The following ASTN1 variants were observed in gnomAD, a reference collection of about 807,000 sequenced individuals.
ASTN1 encodes astrotactin-1.
In ASTN1, 41 loss-of-function variants were observed where a neutral mutation model predicts 140.7. The observed-to-expected ratio is 0.29, with a 90% CI of 0.23 to 0.38. The LOEUF (loss-of-function observed/expected upper bound fraction) is 0.38. Ranked by LOEUF, ASTN1 falls within the 10% of genes least tolerant of loss-of-function variation. The pLI, the probability that ASTN1 is intolerant of heterozygous loss-of-function variation, is 1.00. For synonymous variants in ASTN1, 640 were observed against 652.2 expected (o/e 0.98, Z 0.29); for missense variants, 1,479 against 1,678.8 (o/e 0.88, Z 2.08).
At chr1:177,006,546 T>C (rs1471202760) in intron 8 of ASTN1, among the ~76,000 whole-genome samples, 1 of 152,134 alleles carries the variant, frequency 6.6e-6, no homozygotes, top group African/African-American at 2.4e-5. Flanking sequence ...CAGTAGAATA[T>C]ACAAATGCAG....
At chr1:176,982,264 A>G (rs1203109677) in intron 8 of ASTN1, among the ~76,000 whole-genome samples, 1 of 152,182 alleles carries the variant, frequency 6.6e-6, no homozygotes, top group Non-Finnish European at 1.5e-5. Flanking sequence ...TTCCAAAGCC[A>G]TGGCCTTAGC....
At chr1:176,976,136 A>C (rs984991029) in intron 8 of ASTN1, 4 of 152,138 alleles carry the variant, frequency 2.6e-5, no homozygotes, top group African/African-American at 9.7e-5. Flanking sequence ...TTTTTGAAAA[A>C]CTGTCAATCA....
rs188615101 is a variant in ASTN1 at position 177,058,217 on chromosome 1, A to G, written c.471+2861T>C. 3.9e-3 allele frequency among the ~76,000 whole-genome samples: 596 copies of G among 152,218 alleles called. 3 individuals carry two copies. Among genetic ancestry groups the G allele is most frequent in the Non-Finnish European group, 4.7e-3 (317 of 68,012 alleles). On this transcript the variant is annotated intron_variant, in intron 2 of 22. Transcript: ENST00000361833. ...GTAGGGAGGAAATATTTATATCTCC[A>G]CTTCATCCTGAGATTCCTGTTCTGT...
chr1:177,026,878 TATCCTGCATGTTGTCCCTGGGAGG>T (rs1183502391), intron 5 of ASTN1, among the ~76,000 whole-genome samples: 7 of 152,190 alleles, frequency 4.6e-5, no homozygotes, highest in Admixed American at 4.6e-4. Context: ...TGCTGTCACC[TATCCTGCATGTTGTCCCTGGGAGG>T]ATCCTTCATG....
At chr1:177,073,271 C>T (rs1247210258) in intron 1 of ASTN1, among the ~76,000 whole-genome samples, 3 of 152,148 alleles carry the variant, frequency 2.0e-5, no homozygotes, top group Admixed American at 1.3e-4. Context: ...GACTCTGTCT[C>T]TTTCATTCAT....
Position 177,043,816 on chromosome 1 carries a change from GCCAGCAAGCTTTGT to G in ASTN1, c.472-10981_472-10968del, listed in dbSNP as rs1450320292. Among the ~76,000 whole-genome samples the G allele has an allele frequency of 3.3e-5, 5 of 152,268 alleles. No individual in the cohort carries two copies. In the East Asian group the frequency reaches 9.6e-4, roughly 29 times the overall value. On this transcript the variant is annotated intron_variant, in intron 2 of 22. Transcript: ENST00000361833. ...ATCCCTTCCAAGCCCTTCATTCCTT[GCCAGCAAGCTTTGT>G]CTGGCATCATACAGGGGAAGGAGGA...
intron 16 of ASTN1, among the ~76,000 whole-genome samples, chr1:176,919,469 C>A (rs1414937425): frequency 6.6e-6 from 1 of 152,066 alleles, no homozygotes. Flanking sequence ...TTTTTCTACT[C>A]TACCGTGTAA....
intron 1 of ASTN1, among the ~76,000 whole-genome samples, chr1:177,129,473 C>G (rs1422765990): frequency 2.0e-5 from 3 of 152,164 alleles, no homozygotes; most frequent in African/African-American, 7.2e-5. Flanking sequence ...GAAGCACTGT[C>G]AACTCAAATC....
At position 176,940,852 on chromosome 1, in the gene ASTN1, A is replaced by G. The variant is rs114809644; in HGVS notation, c.2377+3039T>C. 3.9e-3 allele frequency among the ~76,000 whole-genome samples: 597 copies of G among 152,342 alleles called. 3 individuals carry two copies. Among genetic ancestry groups the G allele is most frequent in the African/African-American group, 0.014 (568 of 41,580 alleles). ...TGTGAAAATGATTCTCTAGTTAAATAGACTCGGGAATTGCTGGCTTAAAGT... is the reference window on the plus strand; with the variant it reads ...TGTGAAAATGATTCTCTAGTTAAATGGACTCGGGAATTGCTGGCTTAAAGT... On this transcript the variant is annotated intron_variant, in intron 14 of 22. Transcript: ENST00000361833.
chr1:177,108,175 C>T (rs1056190823), intron 1 of ASTN1, among the ~76,000 whole-genome samples: 7 of 151,638 alleles, frequency 4.6e-5, no homozygotes, highest in African/African-American at 1.7e-4. Flanking sequence ...TGGTGAAACC[C>T]CATCTCTACT....
chr1:176,904,806 A>G (rs1411268055), intron 16 of ASTN1, among the ~76,000 whole-genome samples: 2 of 152,182 alleles, frequency 1.3e-5, no homozygotes, highest in African/African-American at 4.8e-5. Context: ...TGGCAGAGCA[A>G]GACCGAGGCA....
Position 176,956,884 on chromosome 1 carries a change from C to A in ASTN1, c.1887+794G>T, listed in dbSNP as rs180737195. 5.4e-4 allele frequency among the ~76,000 whole-genome samples: 82 copies of A among 152,282 alleles called. No homozygotes were observed. The Middle Eastern group carries it at 0.014, about 25-fold the overall frequency. ...CTCAATCTACTGTAGCCCAAATTGT[C>A]TTACTAGTTAATAGTATCACATTTT... On this transcript the variant is annotated intron_variant, in intron 11 of 22. Transcript: ENST00000361833.
chr1:176,916,175 G>A (rs533860593), intron 16 of ASTN1, among the ~76,000 whole-genome samples: 1 of 152,256 alleles, frequency 6.6e-6, no homozygotes, highest in South Asian at 2.1e-4. Flanking sequence ...AATAACGGCT[G>A]GGGCTAGGAT....
chr1:177,034,477 A>G (rs1676613377), intron 2 of ASTN1, among the ~76,000 whole-genome samples: 1 of 152,158 alleles, frequency 6.6e-6, no homozygotes, highest in Non-Finnish European at 1.5e-5. Flanking sequence ...AAGAATAAAC[A>G]TGCTCAGGTT....
At chr1:177,151,780 G>A (rs904338400) in intron 1 of ASTN1, among the ~76,000 whole-genome samples, 8 of 152,138 alleles carry the variant, frequency 5.3e-5, no homozygotes, top group East Asian at 1.9e-4. Flanking sequence ...TCAAGAAATC[G>A]CCCTTATGCA....
At chr1:176,998,108 G>T (rs889039315) in intron 8 of ASTN1, among the ~76,000 whole-genome samples, 4 of 152,064 alleles carry the variant, frequency 2.6e-5, no homozygotes, top group Admixed American at 2.6e-4. Context: ...ACATCATGCT[G>T]AAAGCCAGGA....
At chr1:176,988,332 A>C (rs929554268) in intron 8 of ASTN1, among the ~76,000 whole-genome samples, 4 of 151,714 alleles carry the variant, frequency 2.6e-5, no homozygotes, top group African/African-American at 4.8e-5. Flanking sequence ...AAAAAAAAAA[A>C]ACCTTTCCTT....
intron 8 of ASTN1, among the ~76,000 whole-genome samples, chr1:177,001,354 G>A (rs1674719662): frequency 6.6e-6 from 1 of 152,202 alleles, no homozygotes; most frequent in African/African-American, 2.4e-5. Context: ...GAACACAAAT[G>A]AGGCTGTGAC....
intron 8 of ASTN1, among the ~76,000 whole-genome samples, chr1:176,985,031 G>C (rs1673819577): frequency 6.6e-6 from 1 of 152,182 alleles, no homozygotes; most frequent in Non-Finnish European, 1.5e-5. Flanking sequence ...CTAAGCAGTG[G>C]TGGGAAAGCA....
Sources: allele counts gnomAD v4.1 joint callset (sites outside exome capture counted in the v4.1 genomes callset), GRCh38; gene constraint gnomAD v4.1.1; transcripts MANE v1.5; gene names NCBI Gene and HGNC (gene_info 2026-07-23, HGNC 2026-07-21).